The following MCC variants were observed in gnomAD, a reference collection of about 807,000 sequenced individuals.
MCC encodes the protein MCC regulator of Wnt signaling pathway, also known as colorectal mutant cancer protein.
A neutral mutation model predicts 116.2 loss-of-function variants in MCC; 90 were observed. That is an observed-to-expected ratio of 0.77 (90% CI 0.65 to 0.92). The LOEUF is 0.92. Among genes scored for constraint, MCC ranks in the 40% least tolerant of loss-of-function variants. The pLI is 0.00. For synonymous variants in MCC, 578 were observed against 510.5 expected (o/e 1.13, Z -1.78); for missense variants, 1,516 against 1,312.2 (o/e 1.16, Z -2.40).
intron 3 of MCC, among the ~76,000 whole-genome samples, chr5:113,247,712 C>T (rs1356352859): frequency 1.3e-5 from 2 of 151,852 alleles, no homozygotes; most frequent in African/African-American, 4.8e-5. Context: ...CAAAGGACGT[C>T]CTAAAGGAAA....
At chr5:113,291,264 C>T (rs1766484463) in intron 3 of MCC, among the ~76,000 whole-genome samples, 2 of 152,182 alleles carry the variant, frequency 1.3e-5, no homozygotes, top group Admixed American at 1.3e-4. Context: ...CCTCCTATCT[C>T]CCTAGTATCC....
At position 113,231,172 on chromosome 5, in the gene MCC, T is replaced by C. The variant is rs148717708; in HGVS notation, c.628-79750A>G. ...TGCAGAGTAAGCCTTTTTTGTTTTG[T>C]TTTTTACTGAGGATTGAGGTACTAA... On this transcript the variant is annotated intron_variant, in intron 3 of 18. Coordinates refer to ENST00000408903, the MANE Select transcript of MCC (RefSeq NM_001085377.2). Among the ~76,000 whole-genome samples the C allele has an allele frequency of 6.9e-3, 1,052 of 152,254 alleles. 4 individuals are homozygous for C. The highest frequency in any genetic ancestry group is 0.065 in the Middle Eastern group (19 of 294).
intron 3 of MCC, among the ~76,000 whole-genome samples, chr5:113,284,275 A>G (rs1766162354): frequency 6.6e-6 from 1 of 152,192 alleles, no homozygotes; most frequent in Non-Finnish European, 1.5e-5. Flanking sequence ...ACTTGAGCCC[A>G]GTGGGTAGAG....
intron 3 of MCC, among the ~76,000 whole-genome samples, chr5:113,190,595 TCTG>T (rs1243359527): frequency 2.0e-5 from 3 of 152,162 alleles, no homozygotes; most frequent in African/African-American, 7.2e-5. Flanking sequence ...TAGTGTCCCT[TCTG>T]CTGAAAAAAC....
chr5:113,280,729 C>T (rs1202300360), intron 3 of MCC, among the ~76,000 whole-genome samples: 1 of 152,168 alleles, frequency 6.6e-6, no homozygotes, highest in Non-Finnish European at 1.5e-5. Context: ...ATACTGACTA[C>T]AAGAAGATTT....
intron 3 of MCC, among the ~76,000 whole-genome samples, chr5:113,327,561 A>AAAAAATATATATATATAT (rs1480996383): frequency 1.1e-4 from 9 of 80,564 alleles, no homozygotes; most frequent in South Asian, 4.0e-4. Flanking sequence ...AAAAAAAAAA[A>AAAAAATATATATATATAT]ATATATATAT....
chr5:113,273,211 G>A (rs1181071275), intron 3 of MCC, among the ~76,000 whole-genome samples: 1 of 152,158 alleles, frequency 6.6e-6, no homozygotes, highest in Non-Finnish European at 1.5e-5. Context: ...TTCCTCCAAA[G>A]CAGAAAATTC....
Position 113,249,545 on chromosome 5 carries a change from C to T in MCC, c.627+90974G>A, listed in dbSNP as rs573127402. 2.6e-5 allele frequency among the ~76,000 whole-genome samples: 4 copies of T among 152,336 alleles called. No individual in the cohort carries two copies. In the South Asian group the frequency reaches 8.3e-4, roughly 32 times the overall value. ...GTGATCCCATTCATTCCAGCCTCTG[C>T]TCAGCTGCTGTTCCATTAGTTAATA... On this transcript the variant is annotated intron_variant, in intron 3 of 18. Transcript: ENST00000408903.
chr5:113,319,670 T>C lies in MCC; in HGVS notation c.627+20849A>G, dbSNP rs149642265. Among the ~76,000 whole-genome samples the C allele has an allele frequency of 2.0e-3, 311 of 152,304 alleles. 1 individual carries two copies. Among genetic ancestry groups the C allele is most frequent in the African/African-American group, 7.1e-3 (295 of 41,560 alleles). ...TCAATTAAATTTTATATATAACAAA[T>C]ATGAGATCAAACTCAAAATTAAGCA... On this transcript the variant is annotated intron_variant, in intron 3 of 18. Coordinates refer to ENST00000408903, the MANE Select transcript of MCC (RefSeq NM_001085377.2).
intron 3 of MCC, 108 bp from the exon 4 acceptor site, chr5:113,151,530 C>T: frequency 1.5e-6 from 1 of 649,146 alleles, no homozygotes; most frequent in Non-Finnish European, 2.7e-6. Context: ...ATCCAAAAAG[C>T]AACACTTTTG....
intron 6 of MCC, among the ~76,000 whole-genome samples, chr5:113,109,630 G>A (rs1756964463): frequency 6.6e-6 from 1 of 152,074 alleles, no homozygotes; most frequent in African/African-American, 2.4e-5. Context: ...TGATTACCAT[G>A]GTAAATTTCA....
intron 3 of MCC, among the ~76,000 whole-genome samples, chr5:113,188,901 G>A (rs1762024687): frequency 6.6e-6 from 1 of 152,188 alleles, no homozygotes; most frequent in Admixed American, 6.5e-5. Context: ...AAGAGTATTA[G>A]GAAGCCAGTA....
At chr5:113,111,199 G>A (rs1293602768) in intron 6 of MCC, among the ~76,000 whole-genome samples, 2 of 152,148 alleles carry the variant, frequency 1.3e-5, no homozygotes, top group African/African-American at 4.8e-5. Context: ...GTTCAACATC[G>A]TCTCATTATA....
Position 113,229,414 on chromosome 5 carries a change from A to T in MCC, c.628-77992T>A, listed in dbSNP as rs185841678. Among the ~76,000 whole-genome samples the T allele has an allele frequency of 1.4e-3, 209 of 152,356 alleles. 1 individual carries two copies. The highest frequency in any genetic ancestry group is 3.4e-3 in the Middle Eastern group (1 of 294). On this transcript the variant is annotated intron_variant, in intron 3 of 18. Transcript: ENST00000408903. ...ACTGCAATCAGATGTTTTTCCAAAC[A>T]CCTAGTACTGTGAAATATCAGTGAT...
intron 11 of MCC, among the ~76,000 whole-genome samples, chr5:113,074,544 G>C (rs1337386722): frequency 2.0e-5 from 3 of 149,032 alleles, no homozygotes; most frequent in Admixed American, 6.9e-5. Context: ...ACTTTGATGA[G>C]TTGATAGAAG....
chr5:113,449,824 A>G (rs957120588), intron 1 of MCC, among the ~76,000 whole-genome samples: 7 of 152,226 alleles, frequency 4.6e-5, no homozygotes, highest in African/African-American at 1.7e-4. Flanking sequence ...GTTTCTTCAA[A>G]TCACAACAAA....
chr5:113,251,524 T>G (rs753276730), intron 3 of MCC, among the ~76,000 whole-genome samples: 10 of 152,208 alleles, frequency 6.6e-5, no homozygotes, highest in Non-Finnish European at 1.2e-4. Flanking sequence ...AGGGCAGCAG[T>G]AAGTTCACAT....
At chr5:113,407,517 T>G (rs1561555562) in intron 1 of MCC, among the ~76,000 whole-genome samples, 1 of 152,164 alleles carries the variant, frequency 6.6e-6, no homozygotes, top group Non-Finnish European at 1.5e-5. Context: ...GTGTCTCCCC[T>G]ACAGCAGGCT....
At chr5:113,095,335 G>A (rs1755938371) in intron 8 of MCC, among the ~76,000 whole-genome samples, 1 of 152,116 alleles carries the variant, frequency 6.6e-6, no homozygotes. Context: ...TAACATCAAC[G>A]TAGACTTGGG....
Sources: gnomAD v4.1 joint callset for allele counts (sites outside exome capture counted in the v4.1 genomes callset) on GRCh38, gnomAD v4.1.1 for gene constraint, MANE v1.5 for transcripts, NCBI Gene and HGNC (gene_info 2026-07-23, HGNC 2026-07-21) for gene names.